CPPED1: variants seen among roughly 807,000 people sequenced by gnomAD.
CPPED1 encodes serine/threonine-protein phosphatase CPPED1.
CPPED1 carries 28 observed loss-of-function variants against 28.0 expected under a neutral mutation model. The observed-to-expected ratio is 1.00, with a 90% CI of 0.74 to 1.37. The LOEUF (loss-of-function observed/expected upper bound fraction) is 1.37. Among genes scored for constraint, CPPED1 ranks in the 40% most tolerant of loss-of-function variants. CPPED1 has a pLI of 0.00. For synonymous variants in CPPED1, 198 were observed against 180.2 expected, an observed-to-expected ratio of 1.10 and a Z score of -0.79; for missense variants, 504 against 416.5, an observed-to-expected ratio of 1.21 and a Z score of -1.83.
intron 3 of CPPED1, among the ~76,000 whole-genome samples, chr16:12,695,627 T>C (rs1288752257): frequency 6.6e-6 from 1 of 152,208 alleles, no homozygotes; most frequent in Non-Finnish European, 1.5e-5. Flanking sequence ...GTGAACTGGA[T>C]GTGTAAACAG....
chr16:12,741,800 C>CA (rs1412529506), intron 2 of CPPED1, among the ~76,000 whole-genome samples: 1 of 152,172 alleles, frequency 6.6e-6, no homozygotes, highest in Admixed American at 6.5e-5. Flanking sequence ...CCCGTAATCC[C>CA]AGTTCTTTGG....
intron 2 of CPPED1, among the ~76,000 whole-genome samples, chr16:12,719,464 C>T (rs1016720100): frequency 1.3e-5 from 2 of 151,930 alleles, no homozygotes; most frequent in East Asian, 3.9e-4. Flanking sequence ...GCACCACCTC[C>T]TTGACACGTG....
chr16:12,734,235 A>G (rs1331758337), intron 2 of CPPED1, among the ~76,000 whole-genome samples: 1 of 151,586 alleles, frequency 6.6e-6, no homozygotes, highest in Non-Finnish European at 1.5e-5. Context: ...ATGCCCAGCT[A>G]ATTTTTGTAT....
chr16:12,702,889 G>C (rs1025363955), intron 3 of CPPED1, among the ~76,000 whole-genome samples: 12 of 151,646 alleles, frequency 7.9e-5, no homozygotes, highest in Non-Finnish European at 1.3e-4. Context: ...ATGGGTGCCT[G>C]TAATCCCAGG....
At chr16:12,798,717 G>T (rs2080641424) in intron 1 of CPPED1, among the ~76,000 whole-genome samples, 2 of 152,168 alleles carry the variant, frequency 1.3e-5, no homozygotes, top group Admixed American at 1.3e-4. Context: ...CACTTTAAAA[G>T]CATATTTTAT....
rs562637853 is a variant in CPPED1, at chr16:12,739,513, G to A, written c.290-34464C>T. Among the ~76,000 whole-genome samples, 10 of 152,098 alleles carry A rather than the reference G, an allele frequency of 6.6e-5. No individual in the cohort carries two copies. The South Asian group carries it at 8.3e-4, about 13-fold the overall frequency. On this transcript the variant is annotated intron_variant, in intron 2 of 3. Coordinates refer to ENST00000381774, the MANE Select transcript of CPPED1 (RefSeq NM_018340.3). ...GGAGAATCACTTGAACCTGGGAGGC[G>A]GAGGTTACAGTGAGCCAAGATCACA...
intron 3 of CPPED1, among the ~76,000 whole-genome samples, chr16:12,673,853 C>A (rs2079864959): frequency 6.6e-6 from 1 of 152,036 alleles, no homozygotes; most frequent in Admixed American, 6.6e-5. Flanking sequence ...TGGAGACCAG[C>A]CTCGGCAACA....
intron 1 of CPPED1, among the ~76,000 whole-genome samples, chr16:12,791,874 G>C (rs548279643): frequency 2.0e-5 from 3 of 152,208 alleles, no homozygotes; most frequent in African/African-American, 7.2e-5. Context: ...TGAAGAAATG[G>C]ATGAAGACAT....
At chr16:12,701,655 G>C (rs756954363) in intron 3 of CPPED1, among the ~76,000 whole-genome samples, 3 of 152,236 alleles carry the variant, frequency 2.0e-5, no homozygotes, top group Non-Finnish European at 2.9e-5. Context: ...GGACCTGGGG[G>C]TGGAGGGAAG....
intron 2 of CPPED1, among the ~76,000 whole-genome samples, chr16:12,749,033 T>G (rs140090080): frequency 9.0e-4 from 137 of 152,234 alleles, no homozygotes; most frequent in African/African-American, 3.0e-3. Flanking sequence ...CTTGCCTTGA[T>G]GTTCATGACC....
chr16:12,731,869 A>G (rs2080199660), intron 2 of CPPED1, among the ~76,000 whole-genome samples: 1 of 151,994 alleles, frequency 6.6e-6, no homozygotes, highest in South Asian at 2.1e-4. Flanking sequence ...AGGAAAAAAA[A>G]AACCATTAGC....
intron 2 of CPPED1, among the ~76,000 whole-genome samples, chr16:12,780,646 T>A (rs1015914500): frequency 6.6e-6 from 1 of 151,156 alleles, no homozygotes; most frequent in Non-Finnish European, 1.5e-5. Flanking sequence ...CAAGTCCTTA[T>A]AACCAAGCTG....
chr16:12,668,195 C>G (rs891573547), intron 3 of CPPED1, among the ~76,000 whole-genome samples: 4 of 152,096 alleles, frequency 2.6e-5, no homozygotes, highest in Non-Finnish European at 5.9e-5. Flanking sequence ...TAAATCTTCA[C>G]TGAATGAATT....
At chr16:12,689,099 T>TG (rs1489558293) in intron 3 of CPPED1, among the ~76,000 whole-genome samples, 1 of 152,162 alleles carries the variant, frequency 6.6e-6, no homozygotes. Flanking sequence ...GAACGTGGTA[T>TG]GTCTACAGAG....
chr16:12,746,679 C>A (rs1001799435), intron 2 of CPPED1, among the ~76,000 whole-genome samples: 1 of 151,958 alleles, frequency 6.6e-6, no homozygotes, highest in African/African-American at 2.4e-5. Context: ...GAAAAAAAAT[C>A]ACGACAGCAT....
intron 1 of CPPED1, 34 bp downstream of exon 1, chr16:12,803,673 A>C: frequency 1.4e-6 from 2 of 1,468,386 alleles, no homozygotes; most frequent in Non-Finnish European, 1.8e-6. Flanking sequence ...CCGCAGCCCC[A>C]GAGTCCCCTC....
chr16:12,773,050 A>G (rs1467168290), intron 2 of CPPED1, among the ~76,000 whole-genome samples: 2 of 152,218 alleles, frequency 1.3e-5, no homozygotes, highest in Non-Finnish European at 2.9e-5. Context: ...ACTTAAGAAA[A>G]AACTCTTAGT....
At chr16:12,774,340 C>T (rs770804666) in intron 2 of CPPED1, among the ~76,000 whole-genome samples, 1 of 151,944 alleles carries the variant, frequency 6.6e-6, no homozygotes, top group East Asian at 1.9e-4. Context: ...TGGTGGCAGG[C>T]GCCTGTAATC....
chr16:12,747,432 A>AAAAT (rs55706541), intron 2 of CPPED1, among the ~76,000 whole-genome samples: 70,691 of 144,876 alleles, frequency 0.49, 17,597 homozygotes, highest in Admixed American at 0.57. Flanking sequence ...CTCTGTTTTA[A>AAAAT]AAATAAATAA....
Sources: gnomAD v4.1 joint callset for allele counts (sites outside exome capture counted in the v4.1 genomes callset) on GRCh38, gnomAD v4.1.1 for gene constraint, MANE v1.5 for transcripts, NCBI Gene and HGNC (gene_info 2026-07-23, HGNC 2026-07-21) for gene names.